Variants in KCNIP4 observed in about 807,000 individuals in gnomAD.
The protein encoded by KCNIP4 is Kv channel-interacting protein 4.
In KCNIP4, 12 loss-of-function variants were observed where a neutral mutation model predicts 34.0. The ratio of observed to expected loss-of-function variants is 0.35; its 90% CI spans 0.23 to 0.57. The LOEUF is 0.57. Among genes scored for constraint, KCNIP4 ranks in the 20% least tolerant of loss-of-function variants. The pLI, the probability that KCNIP4 is intolerant of heterozygous loss-of-function variation, is 0.83. For missense variants in KCNIP4, 238 were observed against 311.7 expected (o/e 0.76, Z 1.78); for synonymous variants, 124 against 102.2 (o/e 1.21, Z -1.29).
At chr4:21,615,026 G>A (rs1744478147) in intron 1 of KCNIP4, among the ~76,000 whole-genome samples, 1 of 152,022 alleles carries the variant, frequency 6.6e-6, no homozygotes, top group South Asian at 2.1e-4. Flanking sequence ...GAGTGTGGTT[G>A]GCATCTATGG....
chr4:21,157,863 C>T (rs763256702), intron 1 of KCNIP4, among the ~76,000 whole-genome samples: 1 of 151,010 alleles, frequency 6.6e-6, no homozygotes, highest in Non-Finnish European at 1.5e-5. Flanking sequence ...AAACAGAAAA[C>T]AATAGAAAAA....
chr4:20,819,222 C>T (rs748407937), intron 3 of KCNIP4, among the ~76,000 whole-genome samples: 2 of 151,700 alleles, frequency 1.3e-5, no homozygotes, highest in Admixed American at 6.6e-5. Context: ...ATCATTATCT[C>T]GTTTTACGGA....
At chr4:20,837,608 T>G (rs1719200462) in intron 3 of KCNIP4, among the ~76,000 whole-genome samples, 2 of 146,576 alleles carry the variant, frequency 1.4e-5, no homozygotes, top group Admixed American at 1.4e-4. Flanking sequence ...AAAAATTATT[T>G]ATTGAGTTCT....
At chr4:21,474,126 TC>T (rs1228064184) in intron 1 of KCNIP4, among the ~76,000 whole-genome samples, 1 of 152,190 alleles carries the variant, frequency 6.6e-6, no homozygotes. Flanking sequence ...TCTAAAGCTT[TC>T]AGACAAATGG....
intron 1 of KCNIP4, among the ~76,000 whole-genome samples, chr4:21,359,174 C>G (rs1374075327): frequency 6.6e-6 from 1 of 152,020 alleles, no homozygotes; most frequent in African/African-American, 2.4e-5. Flanking sequence ...CACTGAAGGC[C>G]TGAGTGGAAC....
intron 1 of KCNIP4, among the ~76,000 whole-genome samples, chr4:21,072,497 T>C (rs1021993987): frequency 1.3e-5 from 2 of 152,072 alleles, no homozygotes. Flanking sequence ...GTTTTTTTTT[T>C]CTTGTAAAAA....
intron 1 of KCNIP4, among the ~76,000 whole-genome samples, chr4:20,934,304 T>G (rs1012581274): frequency 6.6e-6 from 1 of 152,314 alleles, no homozygotes; most frequent in African/African-American, 2.4e-5. Context: ...CCCAATGTCA[T>G]GTAGCATGGT....
intron 1 of KCNIP4, among the ~76,000 whole-genome samples, chr4:21,760,908 G>A (rs762205460): frequency 1.4e-4 from 21 of 152,056 alleles, no homozygotes. Flanking sequence ...TCATTTAACA[G>A]ATATTCATTC....
At chr4:21,372,062 G>A (rs1036702438) in intron 1 of KCNIP4, among the ~76,000 whole-genome samples, 1 of 147,202 alleles carries the variant, frequency 6.8e-6, no homozygotes, top group Admixed American at 6.6e-5. Context: ...TGGTGCTTCA[G>A]AAGAATGTTT....
At chr4:20,918,443 C>G (rs1729056498) in intron 1 of KCNIP4, among the ~76,000 whole-genome samples, 1 of 152,106 alleles carries the variant, frequency 6.6e-6, no homozygotes, top group Middle Eastern at 3.2e-3. Flanking sequence ...GGATTAATGT[C>G]AAACCAGGCA....
chr4:21,076,325 A>G (rs1430828641), intron 1 of KCNIP4, among the ~76,000 whole-genome samples: 1 of 152,080 alleles, frequency 6.6e-6, no homozygotes, highest in East Asian at 1.9e-4. Context: ...ATATTCTCTG[A>G]CAGTTCCAGC....
At chr4:21,506,523 TATAC>T in intron 1 of KCNIP4, among the ~76,000 whole-genome samples, 1 of 152,336 alleles carries the variant, frequency 6.6e-6, no homozygotes, top group Middle Eastern at 3.4e-3. Flanking sequence ...TGATCAAAAG[TATAC>T]ATACAAAACA....
At position 21,030,343 on chromosome 4, in the gene KCNIP4, C is replaced by T. The variant is rs116269255; in HGVS notation, c.62-147634G>A. On this transcript the variant is annotated intron_variant, in intron 1 of 8. Coordinates refer to ENST00000382152, the MANE Select transcript of KCNIP4 (RefSeq NM_025221.6). ...TCCCATTACCCTCAGATGGGACTAT[C>T]TAGTGGCAAGAAAACAAGCTCATGG... is the stretch of plus-strand genomic sequence containing the variant. Among the ~76,000 whole-genome samples the T allele has an allele frequency of 6.8e-3, 1,035 of 152,224 alleles. 10 individuals carry two copies. The highest frequency in any genetic ancestry group is 0.023 in the African/African-American group (967 of 41,524).
rs143563950 is a variant in KCNIP4, at chr4:21,083,572, A to C, written c.62-200863T>G. ...GGCAGATACACACAAGAGAAGAGGC[A>C]ATGAGATCACTGAGTCAGAGATTGG... On this transcript the variant is annotated intron_variant, in intron 1 of 8. Transcript: ENST00000382152. Among the ~76,000 whole-genome samples the C allele has an allele frequency of 6.0e-4, 91 of 151,778 alleles. 3 individuals carry two copies. Among genetic ancestry groups the C allele is most frequent in the African/African-American group, 2.1e-3 (86 of 41,184 alleles).
At chr4:21,450,464 C>A (rs1193365308) in intron 1 of KCNIP4, among the ~76,000 whole-genome samples, 2 of 152,092 alleles carry the variant, frequency 1.3e-5, no homozygotes, top group Non-Finnish European at 2.9e-5. Flanking sequence ...ATACTTTAGA[C>A]TTTCCGTAGG....
At chr4:20,782,126 C>T (rs1756931761) in intron 3 of KCNIP4, among the ~76,000 whole-genome samples, 1 of 152,184 alleles carries the variant, frequency 6.6e-6, no homozygotes, top group African/African-American at 2.4e-5. Flanking sequence ...CCAGGTCATG[C>T]TGATGCAAGA....
At chr4:21,521,084 C>T (rs1388733729) in intron 1 of KCNIP4, among the ~76,000 whole-genome samples, 1 of 152,142 alleles carries the variant, frequency 6.6e-6, no homozygotes, top group East Asian at 1.9e-4. Context: ...CCTTTAATTA[C>T]CATCTACAAC....
chr4:21,712,525 C>T (rs1018051006), intron 1 of KCNIP4, among the ~76,000 whole-genome samples: 13 of 152,162 alleles, frequency 8.5e-5, no homozygotes, highest in Non-Finnish European at 1.8e-4. Context: ...GAAGATTTCC[C>T]CATAGCCAAT....
intron 1 of KCNIP4, among the ~76,000 whole-genome samples, chr4:20,928,799 T>G (rs1256330790): frequency 6.6e-6 from 1 of 151,890 alleles, no homozygotes; most frequent in South Asian, 2.1e-4. Flanking sequence ...GTAAAAATGA[T>G]TATAACGGGC....
Sources: gnomAD v4.1 joint callset for allele counts (sites outside exome capture counted in the v4.1 genomes callset) on GRCh38, gnomAD v4.1.1 for gene constraint, MANE v1.5 for transcripts, NCBI Gene and HGNC (gene_info 2026-07-23, HGNC 2026-07-21) for gene names.